GPR137B: variants seen among roughly 807,000 people sequenced by gnomAD.
GPR137B encodes the protein integral membrane protein GPR137B.
Under a neutral mutation model 42.5 loss-of-function variants are expected in GPR137B, and 42 were observed. That is an observed-to-expected ratio of 0.99 (90% CI 0.77 to 1.28). The LOEUF (loss-of-function observed/expected upper bound fraction) is 1.28, where lower values mean the gene tolerates loss of function less well. Ranked by LOEUF, GPR137B falls within the 50% of genes most tolerant of loss-of-function variation. The probability of loss-of-function intolerance (pLI) is 0.00; values close to 1 mark genes in which losing one functional copy is unlikely to be tolerated. For missense variants in GPR137B, 487 were observed against 493.9 expected (o/e 0.99, Z 0.13); for synonymous variants, 218 against 209.7 (o/e 1.04, Z -0.34).
At chr1:236,206,712 G>A (rs1382901976) in intron 6 of GPR137B, among the ~76,000 whole-genome samples, 3 of 152,244 alleles carry the variant, frequency 2.0e-5, no homozygotes, top group African/African-American at 7.2e-5. Context: ...TCTGCAAACA[G>A]GAAGGGTAGT....
At chr1:236,164,820 A>G (rs979094905) in intron 1 of GPR137B, among the ~76,000 whole-genome samples, 8 of 152,086 alleles carry the variant, frequency 5.3e-5, no homozygotes, top group African/African-American at 1.9e-4. Flanking sequence ...ACTTAAGTTT[A>G]GGAATTAACT....
At chr1:236,203,100 C>T (rs1020053315) in intron 5 of GPR137B, among the ~76,000 whole-genome samples, 1 of 151,944 alleles carries the variant, frequency 6.6e-6, no homozygotes, top group African/African-American at 2.4e-5. Context: ...TGTTTTGAGA[C>T]AGAGTCTTGC....
Position 236,208,205 on chromosome 1 carries a change from GA to G in GPR137B, c.*51del. 6.3e-7 allele frequency: 1 copy of G among 1,598,306 alleles called. No individual in the cohort carries two copies. Among genetic ancestry groups the G allele is most frequent in the Admixed American group, 1.7e-5 (1 of 57,798 alleles). ...ACGATTCCTCAGATGAAAAGCTTCA[GA>G]AAAGCATAGTGACAGCTGAATTTTT... is the stretch of plus-strand genomic sequence containing the variant. On this transcript the variant is annotated 3_prime_UTR_variant, in exon 7 of 7. Transcript: ENST00000366592.
intron 5 of GPR137B, among the ~76,000 whole-genome samples, chr1:236,198,180 T>C (rs970519098): frequency 3.9e-5 from 6 of 152,172 alleles, no homozygotes; most frequent in African/African-American, 1.4e-4. Context: ...AATTTTAGAA[T>C]TTTTTCTATT....
intron 1 of GPR137B, among the ~76,000 whole-genome samples, chr1:236,160,560 C>A (rs1558481740): frequency 6.6e-6 from 1 of 152,206 alleles, no homozygotes; most frequent in Non-Finnish European, 1.5e-5. Flanking sequence ...CAAGCATGCT[C>A]AGGTCTCCCC....
At position 236,150,289 on chromosome 1, in the gene GPR137B, TTGCC is replaced by T. The variant is rs1383292665; in HGVS notation, c.414+7256_414+7259del. On this transcript the variant is annotated intron_variant, in intron 1 of 6. Transcript: ENST00000366592. This position sits in a 1 kb window ranked among gnomAD's most constrained non-coding sequence, Gnocchi z 6.2. ...TGTGTGTCTGTGCCTGTGTGTGTCT[TTGCC>T]TGTGTTTGTGTGTATGTGCCTGTGT... Among the ~76,000 whole-genome samples the T allele has an allele frequency of 6.7e-6, 1 of 148,222 alleles. No homozygotes were observed. The highest frequency in any genetic ancestry group is 1.5e-5 in the Non-Finnish European group (1 of 66,884).
At chr1:236,159,943 C>G (rs979304504) in intron 1 of GPR137B, among the ~76,000 whole-genome samples, 2 of 152,208 alleles carry the variant, frequency 1.3e-5, no homozygotes, top group Middle Eastern at 3.2e-3. Context: ...CGCCTGACAG[C>G]GGCCAGCTGG....
chr1:236,172,393 C>T (rs894961922), intron 2 of GPR137B, among the ~76,000 whole-genome samples: 1 of 152,202 alleles, frequency 6.6e-6, no homozygotes, highest in Non-Finnish European at 1.5e-5. Flanking sequence ...CTTTCCACTC[C>T]AATCTATTCC....
chr1:236,178,091 G>T (rs1297597087), intron 2 of GPR137B, among the ~76,000 whole-genome samples: 2 of 151,996 alleles, frequency 1.3e-5, no homozygotes, highest in Admixed American at 1.3e-4. Context: ...CCTATAAAAC[G>T]CCATCCCGAG....
At chr1:236,170,396 C>T (rs1662498258) in intron 2 of GPR137B, among the ~76,000 whole-genome samples, 1 of 152,150 alleles carries the variant, frequency 6.6e-6, no homozygotes, top group African/African-American at 2.4e-5. Flanking sequence ...GAAGGTTTCT[C>T]TCAAGTTCAG....
At chr1:236,174,343 G>A (rs139673047) in intron 2 of GPR137B, among the ~76,000 whole-genome samples, 12 of 152,312 alleles carry the variant, frequency 7.9e-5, no homozygotes, top group African/African-American at 2.9e-4. Flanking sequence ...AGAAAGACAG[G>A]AGGTGGAGAC....
Position 236,208,150 on chromosome 1 carries a change from C to T in GPR137B, c.1192C>T (p.Leu398Phe). The T allele has an allele frequency of 6.2e-7, 1 of 1,613,680 alleles. No homozygotes were observed. The highest frequency in any genetic ancestry group is 8.5e-7 in the Non-Finnish European group (1 of 1,179,696). Reference sequence around the variant, plus strand: ...AACTTTGGATCCTGACAAACCAAGCCTTGGGTAGCATCAGTTAACAGTTTT... The same window carrying T: ...AACTTTGGATCCTGACAAACCAAGCTTTGGGTAGCATCAGTTAACAGTTTT... ...DSTLDPDKPS[L>F]G Residue 398 changes from leucine to phenylalanine, a missense_variant, in exon 7 of 7, where the codon CTT (leucine) becomes TTT (phenylalanine). By Grantham distance (22) the Leu-to-Phe change is conservative. Coordinates refer to ENST00000366592, the MANE Select transcript of GPR137B (RefSeq NM_003272.4).
At chr1:236,161,467 C>A (rs1311022804) in intron 1 of GPR137B, among the ~76,000 whole-genome samples, 1 of 152,146 alleles carries the variant, frequency 6.6e-6, no homozygotes. Flanking sequence ...CACATCTCCT[C>A]ACACCTCCAC....
chr1:236,192,929 C>T (rs187935163), intron 5 of GPR137B, among the ~76,000 whole-genome samples: 47 of 152,226 alleles, frequency 3.1e-4, no homozygotes, highest in African/African-American at 1.1e-3. Flanking sequence ...GAGTCTGGCT[C>T]TGTCACCCAG....
chr1:236,149,637 G>GT (rs1323094905), intron 1 of GPR137B, among the ~76,000 whole-genome samples: 1 of 152,248 alleles, frequency 6.6e-6, no homozygotes, highest in Non-Finnish European at 1.5e-5. Flanking sequence ...CCCTAGTCTA[G>GT]GAGTTGTGAA....
intron 1 of GPR137B, 121 bp from the exon 2 acceptor site, chr1:236,168,585 A>C: frequency 1.4e-6 from 1 of 734,578 alleles, no homozygotes; most frequent in Non-Finnish European, 2.5e-6. Context: ...TGGACATTTC[A>C]ATTATAAAAA....
chr1:236,162,776 G>C (rs1662236404), intron 1 of GPR137B, among the ~76,000 whole-genome samples: 1 of 152,260 alleles, frequency 6.6e-6, no homozygotes, highest in African/African-American at 2.4e-5. Context: ...CTAGATTCCA[G>C]AAGATGTATG....
chr1:236,168,982 A>G (rs528260061), intron 2 of GPR137B, among the ~76,000 whole-genome samples: 165 of 152,348 alleles, frequency 1.1e-3, no homozygotes, highest in African/African-American at 1.4e-3. Flanking sequence ...ATACTTACCC[A>G]GTTCAGAAAC....
In GPR137B at chr1:236,169,510, AAC is replaced by A. The variant is rs548990206; in HGVS notation, c.464+759_464+760del. On this transcript the variant is annotated intron_variant, in intron 2 of 6. Transcript: ENST00000366592. ...CACTCTATATTTGTAACAATGGCTT[AAC>A]ACAAAGGCTTGCAGAATCAGGCAGA... Among the ~76,000 whole-genome samples, 95 of 152,370 alleles carry A rather than the reference AAC, an allele frequency of 6.2e-4. No homozygotes were observed. The South Asian group carries it at 0.011, about 17-fold the overall frequency.
Sources: allele counts gnomAD v4.1 joint callset (sites outside exome capture counted in the v4.1 genomes callset), GRCh38; gene constraint gnomAD v4.1.1; non-coding constraint Gnocchi (gnomAD v3.1); transcripts MANE v1.5; gene names NCBI Gene and HGNC (gene_info 2026-07-23, HGNC 2026-07-21).